The following GRIA4 variants were observed in gnomAD, a reference collection of about 807,000 sequenced individuals.
GRIA4 encodes glutamate ionotropic receptor AMPA type subunit 4, also known as glutamate receptor 4.
Under a neutral mutation model 104.0 loss-of-function variants are expected in GRIA4, and 34 were observed. The observed-to-expected ratio is 0.33, with a 90% CI of 0.25 to 0.44. The LOEUF is 0.44. Among genes scored for constraint, GRIA4 ranks in the 20% least tolerant of loss-of-function variants. The pLI is 1.00. For missense variants in GRIA4, 750 were observed against 1,096.5 expected (o/e 0.68, Z 4.46); for synonymous variants, 386 against 381.9 (o/e 1.01, Z -0.13).
Position 105,794,496 on chromosome 11 carries a change from T to C in GRIA4, c.487+41276T>C, listed in dbSNP as rs1474363194. On this transcript the variant is annotated intron_variant, in intron 4 of 16. Transcript: ENST00000282499. ...ATGTATATATATATATATATATATA[T>C]ATATATATATATATATACATATACA... is the stretch of plus-strand genomic sequence containing the variant. Among the ~76,000 whole-genome samples, 48 of 120,654 alleles carry C rather than the reference T, an allele frequency of 4.0e-4. 3 individuals are homozygous for C. In the South Asian group the frequency reaches 5.2e-3, roughly 13 times the overall value. The allele number at this position is 120,654 out of a possible 152,430, so 79.2% of individuals were successfully genotyped here. A position where few individuals can be genotyped will look rare whatever the true frequency, so the allele number is the denominator to read the frequency against.
intron 14 of GRIA4, among the ~76,000 whole-genome samples, chr11:105,949,483 G>A (rs1030144467): frequency 6.6e-6 from 1 of 152,064 alleles, no homozygotes; most frequent in Non-Finnish European, 1.5e-5. Context: ...AAACACAGTT[G>A]TTACCCTCCA....
chr11:105,908,622 A>T (rs1320554249), intron 9 of GRIA4, among the ~76,000 whole-genome samples: 1 of 152,008 alleles, frequency 6.6e-6, no homozygotes, highest in Non-Finnish European at 1.5e-5. Flanking sequence ...GCCAAAAAAA[A>T]AAATAAAGTT....
chr11:105,974,470 A>C (rs374711716), intron 16 of GRIA4, 26 bp downstream of exon 16: 3 of 1,613,860 alleles, frequency 1.9e-6, no homozygotes, highest in Non-Finnish European at 2.5e-6. Context: ...CAGACTTTTA[A>C]CCCAACTTCC....
At chr11:105,693,987 TA>T (rs555848881) in intron 3 of GRIA4, among the ~76,000 whole-genome samples, 81 of 152,292 alleles carry the variant, frequency 5.3e-4, no homozygotes, top group African/African-American at 1.9e-3. Context: ...AGGGACTTAA[TA>T]AATGGTAATT....
At chr11:105,822,420 G>A (rs953908033) in intron 4 of GRIA4, among the ~76,000 whole-genome samples, 28 of 152,082 alleles carry the variant, frequency 1.8e-4, no homozygotes, top group African/African-American at 6.8e-4. Context: ...TACTTATGCA[G>A]GTCAGTGTCA....
chr11:105,664,485 G>A (rs191819131), intron 3 of GRIA4, among the ~76,000 whole-genome samples: 1 of 151,674 alleles, frequency 6.6e-6, no homozygotes, highest in East Asian at 1.9e-4. Context: ...GCAGGAAAAT[G>A]ACATAATTTC....
chr11:105,724,336 C>CATAG (rs200822644), intron 3 of GRIA4, among the ~76,000 whole-genome samples: 1 of 140,894 alleles, frequency 7.1e-6, no homozygotes, highest in Non-Finnish European at 1.6e-5. Context: ...TATATATATA[C>CATAG]ATAGATAGAT....
At chr11:105,742,684 T>C (rs995380319) in intron 3 of GRIA4, among the ~76,000 whole-genome samples, 4 of 152,030 alleles carry the variant, frequency 2.6e-5, no homozygotes, top group Admixed American at 2.6e-4. Flanking sequence ...ACATTTAGCA[T>C]TACATAATTA....
Position 105,974,638 on chromosome 11 carries a change from A to C in GRIA4, c.2544+194A>C, listed in dbSNP as rs1591504198. 16 of 1,341,250 alleles carry C rather than the reference A, an allele frequency of 1.2e-5. No individual in the cohort carries two copies. The East Asian group carries it at 3.7e-4, about 31-fold the overall frequency. The allele number at this position is 1,341,250 out of a possible 1,614,324, so 83.1% of individuals were successfully genotyped here. ...TGTGACCTGTCTGTCCAGTGGTGGT[A>C]TTGCTTGCTTCTAATTAGAGCTTTA... On this transcript the variant is annotated intron_variant, in intron 16 of 16. Coordinates refer to ENST00000282499, the MANE Select transcript of GRIA4 (RefSeq NM_000829.4).
chr11:105,869,064 G>A (rs1211119612), intron 5 of GRIA4, among the ~76,000 whole-genome samples: 2 of 152,038 alleles, frequency 1.3e-5, no homozygotes, highest in African/African-American at 4.8e-5. Flanking sequence ...ATTGGTGGGG[G>A]TTAGAAAGGG....
At chr11:105,893,944 G>A (rs974704489) in intron 6 of GRIA4, among the ~76,000 whole-genome samples, 2 of 152,128 alleles carry the variant, frequency 1.3e-5, no homozygotes, top group African/African-American at 2.4e-5. Context: ...ACTTTCTGGC[G>A]TCTAGTTTCT....
intron 4 of GRIA4, among the ~76,000 whole-genome samples, chr11:105,795,988 A>G (rs771466562): frequency 1.7e-4 from 26 of 152,166 alleles, no homozygotes; most frequent in Non-Finnish European, 3.1e-4. Flanking sequence ...AAAGATTGCC[A>G]GTCACAAATG....
chr11:105,733,442 C>A (rs1938727708), intron 3 of GRIA4, among the ~76,000 whole-genome samples: 1 of 151,888 alleles, frequency 6.6e-6, no homozygotes, highest in African/African-American at 2.4e-5. Context: ...TCTTTGGTTT[C>A]CATAGACGTC....
At chr11:105,894,121 G>T (rs1417123771) in intron 6 of GRIA4, among the ~76,000 whole-genome samples, 4 of 152,158 alleles carry the variant, frequency 2.6e-5, no homozygotes, top group Non-Finnish European at 5.9e-5. Flanking sequence ...TTTGAATGTG[G>T]AAGGTATAAG....
In GRIA4 at chr11:105,980,459, G is replaced by T. The variant is rs986429010; in HGVS notation, c.*720G>T. The T allele has an allele frequency of 6.6e-6, 1 of 152,512 alleles. No individual in the cohort carries two copies. Among genetic ancestry groups the T allele is most frequent in the Non-Finnish European group, 1.5e-5 (1 of 68,014 alleles). 9.4% of individuals were successfully genotyped at this position (152,512 alleles called of 1,614,324 possible). A position where few individuals can be genotyped will look rare whatever the true frequency, so the allele number is the denominator to read the frequency against. The stretch of plus-strand genomic sequence containing the variant: ...TTAGAGACTTTTTTTTATAAAAGTT[G>T]TTGGTCATCTTCTTGTTTGCTGTAA... On this transcript the variant is annotated 3_prime_UTR_variant, in exon 17 of 17. Coordinates refer to ENST00000282499, the MANE Select transcript of GRIA4 (RefSeq NM_000829.4).
intron 3 of GRIA4, among the ~76,000 whole-genome samples, chr11:105,677,302 T>A (rs1952569259): frequency 6.6e-6 from 1 of 151,874 alleles, no homozygotes. Context: ...ATAATCACAG[T>A]CAAGAAATGC....
chr11:105,780,284 T>A (rs1213330333), intron 4 of GRIA4, among the ~76,000 whole-genome samples: 1 of 152,146 alleles, frequency 6.6e-6, no homozygotes, highest in East Asian at 1.9e-4. Context: ...CAGACCTGAA[T>A]AATAGAAACA....
At chr11:105,655,005 T>C (rs2135394174) in intron 3 of GRIA4, among the ~76,000 whole-genome samples, 1 of 152,296 alleles carries the variant, frequency 6.6e-6, no homozygotes, top group Admixed American at 6.5e-5. Flanking sequence ...AATAAAAGAA[T>C]GGGTGTTTGA....
At chr11:105,823,904 T>G (rs1350873512) in intron 4 of GRIA4, among the ~76,000 whole-genome samples, 1 of 152,052 alleles carries the variant, frequency 6.6e-6, no homozygotes, top group East Asian at 1.9e-4. Flanking sequence ...AATGAAGCCA[T>G]TAGTGTGGTC....
Sources: gnomAD v4.1 joint callset for allele counts (sites outside exome capture counted in the v4.1 genomes callset) on GRCh38, gnomAD v4.1.1 for gene constraint, MANE v1.5 for transcripts, NCBI Gene and HGNC (gene_info 2026-07-23, HGNC 2026-07-21) for gene names.